Variants in ZNF804A observed in about 807,000 individuals in gnomAD.
The protein encoded by ZNF804A is zinc finger protein 804A.
A neutral mutation model predicts 16.5 loss-of-function variants in ZNF804A; 2 were observed. The ratio of observed to expected loss-of-function variants is 0.12; its 90% CI spans 0.05 to 0.38. The LOEUF (loss-of-function observed/expected upper bound fraction) is 0.38, where lower values mean the gene tolerates loss of function less well. Ranked by LOEUF, ZNF804A falls within the 10% of genes least tolerant of loss-of-function variation. ZNF804A has a pLI of 0.99. For synonymous variants in ZNF804A, 534 were observed against 489.6 expected, an observed-to-expected ratio of 1.09 and a Z score of -1.20; for missense variants, 1,473 against 1,390.7, an observed-to-expected ratio of 1.06 and a Z score of -0.94.
chr2:184,617,037 C>T (rs1047524863), intron 1 of ZNF804A, among the ~76,000 whole-genome samples: 3 of 151,990 alleles, frequency 2.0e-5, no homozygotes, highest in African/African-American at 7.3e-5. Flanking sequence ...ACCCTCCCAT[C>T]ACTTACAATA....
chr2:184,748,904 G>A (rs1259411425), intron 1 of ZNF804A, among the ~76,000 whole-genome samples: 2 of 151,272 alleles, frequency 1.3e-5, no homozygotes, highest in Middle Eastern at 3.2e-3. Flanking sequence ...GTAGGTGTGC[G>A]GCTTTATTTC....
At chr2:184,905,469 A>C (rs1322809890) in intron 2 of ZNF804A, among the ~76,000 whole-genome samples, 1 of 152,076 alleles carries the variant, frequency 6.6e-6, no homozygotes, top group Non-Finnish European at 1.5e-5. Flanking sequence ...GTCTGAGTTT[A>C]GAATTCTGGA....
At chr2:184,828,059 C>T (rs1695196775) in intron 1 of ZNF804A, among the ~76,000 whole-genome samples, 1 of 150,818 alleles carries the variant, frequency 6.6e-6, no homozygotes, top group Admixed American at 6.6e-5. Context: ...GAGTTTTCAT[C>T]AAATATAACC....
intron 2 of ZNF804A, among the ~76,000 whole-genome samples, chr2:184,903,982 GA>G: frequency 6.6e-6 from 1 of 151,786 alleles, no homozygotes; most frequent in South Asian, 2.1e-4. Flanking sequence ...AAAGATTCCC[GA>G]AAAAAACCCT....
intron 1 of ZNF804A, among the ~76,000 whole-genome samples, chr2:184,830,389 C>T (rs1695244630): frequency 6.6e-6 from 1 of 152,028 alleles, no homozygotes; most frequent in African/African-American, 2.4e-5. Context: ...ATGTGATCTG[C>T]TTGGTTAACT....
chr2:184,612,742 G>A (rs1306836268), intron 1 of ZNF804A, among the ~76,000 whole-genome samples: 2 of 152,122 alleles, frequency 1.3e-5, no homozygotes, highest in African/African-American at 2.4e-5. Flanking sequence ...TTGATGTTAT[G>A]ATACATACTG....
intron 1 of ZNF804A, among the ~76,000 whole-genome samples, chr2:184,860,819 T>A (rs1009537458): frequency 1.6e-4 from 24 of 152,322 alleles, no homozygotes; most frequent in African/African-American, 5.5e-4. Context: ...AGGAGTAGAC[T>A]TTTAGCTGAT....
At chr2:184,731,685 T>G (rs1449681439) in intron 1 of ZNF804A, among the ~76,000 whole-genome samples, 2 of 145,818 alleles carry the variant, frequency 1.4e-5, no homozygotes, top group African/African-American at 5.0e-5. Context: ...TCCTCCCACC[T>G]CAGCTTCCTG....
chr2:184,671,655 T>C (rs1344229356), intron 1 of ZNF804A, among the ~76,000 whole-genome samples: 1 of 152,188 alleles, frequency 6.6e-6, no homozygotes, highest in African/African-American at 2.4e-5. Flanking sequence ...AAACTTGATA[T>C]TGATTGAATA....
At chr2:184,918,267 C>T (rs776141240) in intron 2 of ZNF804A, among the ~76,000 whole-genome samples, 28 of 152,102 alleles carry the variant, frequency 1.8e-4, no homozygotes, top group African/African-American at 2.7e-4. Context: ...TGTAGCTTAA[C>T]CCACTCTGTC....
At chr2:184,852,720 T>G (rs1695625924) in intron 1 of ZNF804A, among the ~76,000 whole-genome samples, 1 of 151,846 alleles carries the variant, frequency 6.6e-6, no homozygotes, top group African/African-American at 2.4e-5. Context: ...TTCCCCATTG[T>G]GTGTACTTGG....
At chr2:184,741,975 A>G (rs754437391) in intron 1 of ZNF804A, among the ~76,000 whole-genome samples, 1 of 152,082 alleles carries the variant, frequency 6.6e-6, no homozygotes, top group Non-Finnish European at 1.5e-5. Context: ...TGTTTATAAT[A>G]AATATTTTTG....
intron 2 of ZNF804A, among the ~76,000 whole-genome samples, chr2:184,888,748 A>T (rs989073546): frequency 5.3e-5 from 8 of 152,070 alleles, no homozygotes; most frequent in African/African-American, 1.9e-4. Context: ...TACTTATTGG[A>T]GGCATAAAAA....
At chr2:184,824,713 G>A (rs901782446) in intron 1 of ZNF804A, among the ~76,000 whole-genome samples, 2 of 152,250 alleles carry the variant, frequency 1.3e-5, no homozygotes, top group Admixed American at 1.3e-4. Context: ...CGTGTGAATG[G>A]TTTGTCTCTT....
At chr2:184,620,752 A>G (rs749798883) in intron 1 of ZNF804A, among the ~76,000 whole-genome samples, 1 of 151,746 alleles carries the variant, frequency 6.6e-6, no homozygotes, top group African/African-American at 2.4e-5. Flanking sequence ...TGTAATAAGC[A>G]TTCTGTAGAG....
chr2:184,701,769 A>T (rs532286180), intron 1 of ZNF804A, among the ~76,000 whole-genome samples: 5 of 151,954 alleles, frequency 3.3e-5, no homozygotes, highest in Non-Finnish European at 5.9e-5. Flanking sequence ...CTATTACTGT[A>T]GAATTGCTAA....
chr2:184,620,187 G>A (rs1365325015), intron 1 of ZNF804A, among the ~76,000 whole-genome samples: 2 of 151,708 alleles, frequency 1.3e-5, no homozygotes, highest in Non-Finnish European at 3.0e-5. Context: ...TTGAGCTCTA[G>A]CTTATAAATA....
chr2:184,702,513 C>T (rs564275567), intron 1 of ZNF804A, among the ~76,000 whole-genome samples: 1 of 152,064 alleles, frequency 6.6e-6, no homozygotes, highest in Non-Finnish European at 1.5e-5. Flanking sequence ...GATTTCTTCT[C>T]TATTCCTAAC....
At chr2:184,714,761 GC>G (rs1225643279) in intron 1 of ZNF804A, among the ~76,000 whole-genome samples, 7 of 152,046 alleles carry the variant, frequency 4.6e-5, no homozygotes, top group Non-Finnish European at 8.8e-5. Flanking sequence ...ACAACTATGT[GC>G]CATATACCAA....
Sources: gnomAD v4.1 joint callset for allele counts (sites outside exome capture counted in the v4.1 genomes callset) on GRCh38, gnomAD v4.1.1 for gene constraint, MANE v1.5 for transcripts, NCBI Gene and HGNC (gene_info 2026-07-23, HGNC 2026-07-21) for gene names.